CNTNAP5: variants seen among roughly 807,000 people sequenced by gnomAD.
CNTNAP5 encodes the protein contactin-associated protein-like 5.
In CNTNAP5, 72 loss-of-function variants were observed where a neutral mutation model predicts 150.2. That is an observed-to-expected ratio of 0.48 (90% CI 0.40 to 0.58). The LOEUF is 0.58. CNTNAP5 is among the 20% of genes least tolerant of loss of function. CNTNAP5 has a pLI of 0.00. For synonymous variants in CNTNAP5, 672 were observed against 619.8 expected (o/e 1.08, Z -1.25); for missense variants, 1,636 against 1,626.2 (o/e 1.01, Z -0.10).
intron 3 of CNTNAP5, among the ~76,000 whole-genome samples, chr2:124,409,881 T>C (rs902963494): frequency 4.6e-5 from 7 of 151,608 alleles, no homozygotes; most frequent in African/African-American, 1.7e-4. Flanking sequence ...ATAACAATAT[T>C]AACTTTAAAT....
In CNTNAP5 at chr2:124,456,615, A is replaced by C. The variant is rs148214130; in HGVS notation, c.918+9678A>C. On this transcript the variant is annotated intron_variant, in intron 6 of 23. Transcript: ENST00000682447. ...AAAAGGAGCCCACATAGTCAAAACA[A>C]GACTAAGCAAAAAACAAATCTGGAG... Among the ~76,000 whole-genome samples, 455 of 152,308 alleles carry C rather than the reference A, an allele frequency of 3.0e-3. 1 individual carries two copies. Among genetic ancestry groups the C allele is most frequent in the Non-Finnish European group, 5.1e-3 (344 of 68,028 alleles).
chr2:124,086,946 T>TA, intron 1 of CNTNAP5, among the ~76,000 whole-genome samples: 1 of 151,924 alleles, frequency 6.6e-6, no homozygotes, highest in East Asian at 1.9e-4. Context: ...GCTTTATTCA[T>TA]AGTGCTTTTG....
intron 19 of CNTNAP5, among the ~76,000 whole-genome samples, chr2:124,830,443 A>G (rs999941088): frequency 3.3e-5 from 5 of 152,064 alleles, no homozygotes; most frequent in African/African-American, 9.7e-5. Context: ...CCATAGTGTC[A>G]TTGCCTTTTT....
intron 13 of CNTNAP5, among the ~76,000 whole-genome samples, chr2:124,732,549 A>G (rs1680294115): frequency 6.6e-6 from 1 of 152,102 alleles, no homozygotes. Flanking sequence ...CTGATCCAGA[A>G]AGTGAGCTCC....
rs767626503 is a variant in CNTNAP5, at chr2:124,504,321, A to G, written c.1092A>G (p.Pro364=). Reference sequence around the variant, plus strand: ...ATGTCACTTTTTCCTGCTCCGAACCACAGATTGTGCCCATCACATTTGTCA... The same window carrying G: ...ATGTCACTTTTTCCTGCTCCGAACCGCAGATTGTGCCCATCACATTTGTCA... ...VGNVTFSCSE[P]QIVPITFVNS... The change falls in exon 8 of 24, where the codon CCA becomes CCG. Residue 364 remains proline, a synonymous_variant. Transcript: ENST00000682447. The G allele has an allele frequency of 5.0e-6, 8 of 1,613,530 alleles. No individual in the cohort carries two copies. Among genetic ancestry groups the G allele is most frequent in the African/African-American group, 1.3e-5 (1 of 74,910 alleles).
At chr2:124,280,099 A>C (rs1227750549) in intron 3 of CNTNAP5, among the ~76,000 whole-genome samples, 1 of 151,854 alleles carries the variant, frequency 6.6e-6, no homozygotes, top group Non-Finnish European at 1.5e-5. Flanking sequence ...TGTCATCCTT[A>C]ACCTCTTATT....
At chr2:124,607,117 G>GT (rs1356529419) in intron 11 of CNTNAP5, among the ~76,000 whole-genome samples, 1 of 152,126 alleles carries the variant, frequency 6.6e-6, no homozygotes, top group Admixed American at 6.5e-5. Context: ...TTCGAGAGTT[G>GT]ATTAGCTACC....
chr2:124,737,894 G>A (rs1450600107), intron 13 of CNTNAP5, among the ~76,000 whole-genome samples: 1 of 151,078 alleles, frequency 6.6e-6, no homozygotes, highest in Non-Finnish European at 1.5e-5. Flanking sequence ...TAGTGTTGTT[G>A]TGGAGAGTAA....
intron 1 of CNTNAP5, among the ~76,000 whole-genome samples, chr2:124,071,850 T>A (rs1682312650): frequency 6.6e-6 from 1 of 151,852 alleles, no homozygotes; most frequent in South Asian, 2.1e-4. Flanking sequence ...GAAAAGAGAA[T>A]ACTTTCAAAT....
At chr2:124,741,311 A>G (rs910653649) in intron 13 of CNTNAP5, among the ~76,000 whole-genome samples, 5 of 152,172 alleles carry the variant, frequency 3.3e-5, no homozygotes, top group Non-Finnish European at 5.9e-5. Flanking sequence ...TGGACTGTTC[A>G]TAGCAACGGG....
At position 124,624,860 on chromosome 2, in the gene CNTNAP5, A is replaced by G. The variant is rs193299632; in HGVS notation, c.1876+14940A>G. On this transcript the variant is annotated intron_variant, in intron 12 of 23. Transcript: ENST00000682447. ...GAATTTTGTAGTAGAAGCAGCTAACATTTATCCAGCAGCTGCTGGTATTAG... is the reference window on the plus strand; with the variant it reads ...GAATTTTGTAGTAGAAGCAGCTAACGTTTATCCAGCAGCTGCTGGTATTAG... Among the ~76,000 whole-genome samples, 4 of 152,262 alleles carry G rather than the reference A, an allele frequency of 2.6e-5. No homozygotes were observed. The East Asian group carries it at 7.7e-4, about 29-fold the overall frequency.
At chr2:124,179,833 A>T (rs997624232) in intron 1 of CNTNAP5, among the ~76,000 whole-genome samples, 1 of 152,188 alleles carries the variant, frequency 6.6e-6, no homozygotes, top group Non-Finnish European at 1.5e-5. Context: ...ATAAATTTCA[A>T]TTCTTGGCCC....
chr2:124,572,377 G>A (rs1032496233), intron 11 of CNTNAP5, among the ~76,000 whole-genome samples: 6 of 152,142 alleles, frequency 3.9e-5, no homozygotes, highest in Admixed American at 3.9e-4. Flanking sequence ...CTTAATACCT[G>A]AGTGATGAAA....
intron 13 of CNTNAP5, among the ~76,000 whole-genome samples, chr2:124,730,622 G>A (rs1680250539): frequency 6.6e-6 from 1 of 151,862 alleles, no homozygotes; most frequent in South Asian, 2.1e-4. Flanking sequence ...GATTTCATCT[G>A]TTTTTTGTTT....
chr2:124,496,108 TGAACTGCTTAATAGA>T (rs1377366059), intron 7 of CNTNAP5, among the ~76,000 whole-genome samples: 4 of 152,132 alleles, frequency 2.6e-5, no homozygotes, highest in Non-Finnish European at 5.9e-5. Context: ...GTGGCCCATA[TGAACTGCTTAATAGA>T]GAACTGCTAA....
At chr2:124,487,576 T>C (rs1693915493) in intron 7 of CNTNAP5, among the ~76,000 whole-genome samples, 1 of 151,974 alleles carries the variant, frequency 6.6e-6, no homozygotes, top group Non-Finnish European at 1.5e-5. Flanking sequence ...AAATGGAAGA[T>C]CCAGCAGCCC....
intron 11 of CNTNAP5, among the ~76,000 whole-genome samples, chr2:124,604,158 C>A (rs1197565051): frequency 6.6e-6 from 1 of 152,126 alleles, no homozygotes; most frequent in Non-Finnish European, 1.5e-5. Flanking sequence ...TTTTTGAAAG[C>A]ATTAAATTAT....
At chr2:124,728,716 A>T (rs564476890) in intron 13 of CNTNAP5, among the ~76,000 whole-genome samples, 1 of 152,172 alleles carries the variant, frequency 6.6e-6, no homozygotes, top group Admixed American at 6.6e-5. Context: ...ATAAATATGG[A>T]ATGAGGCATG....
chr2:124,786,274 A>C (rs892680756), intron 17 of CNTNAP5, among the ~76,000 whole-genome samples: 1 of 150,446 alleles, frequency 6.6e-6, no homozygotes, highest in Non-Finnish European at 1.5e-5. Context: ...AAAATAAAAC[A>C]AATAGGCAGG....
Sources: gnomAD v4.1 joint callset for allele counts (sites outside exome capture counted in the v4.1 genomes callset) on GRCh38, gnomAD v4.1.1 for gene constraint, MANE v1.5 for transcripts, NCBI Gene and HGNC (gene_info 2026-07-23, HGNC 2026-07-21) for gene names.